DPH6: variants seen among roughly 807,000 people sequenced by gnomAD.
The protein encoded by DPH6 is diphthine--ammonia ligase.
A neutral mutation model predicts 38.2 loss-of-function variants in DPH6; 33 were observed. The ratio of observed to expected loss-of-function variants is 0.86; its 90% confidence interval spans 0.65 to 1.15. The LOEUF (loss-of-function observed/expected upper bound fraction) is 1.15, where lower values mean the gene tolerates loss of function less well. DPH6 is among the 50% of genes most tolerant of loss of function. The pLI is 0.00. For synonymous variants in DPH6, 108 were observed against 103.0 expected (o/e 1.05, Z -0.30); for missense variants, 325 against 320.0 (o/e 1.02, Z -0.12).
At chr15:35,431,044 T>C (rs1025906749) in intron 5 of DPH6, among the ~76,000 whole-genome samples, 1 of 152,086 alleles carries the variant, frequency 6.6e-6, no homozygotes, top group African/African-American at 2.4e-5. Flanking sequence ...CCATCTGTTG[T>C]GTGAAAAACT....
At chr15:35,228,854 C>A (rs1048834817) in intron 3 of DPH6, among the ~76,000 whole-genome samples, 1 of 152,114 alleles carries the variant, frequency 6.6e-6, no homozygotes, top group African/African-American at 2.4e-5. Context: ...AAGTTTTTAG[C>A]ACTTTAAATA....
intron 5 of DPH6, among the ~76,000 whole-genome samples, chr15:35,416,000 G>C (rs1281742038): frequency 6.6e-6 from 1 of 151,986 alleles, no homozygotes; most frequent in Non-Finnish European, 1.5e-5. Flanking sequence ...AGTTTAGTGA[G>C]GGTGTATATG....
At chr15:35,186,037 A>G in the DPH6 span, among the ~76,000 whole-genome samples, 1 of 152,012 alleles carries the variant, frequency 6.6e-6, no homozygotes, top group Non-Finnish European at 1.5e-5. Context: ...CCCGGCCCCC[A>G]GTCCACTCAT....
At position 35,357,424 on chromosome 15, in the gene DPH6, C is replaced by T. The variant is rs375180445; in HGVS notation, n.207+16097G>A. Among the ~76,000 whole-genome samples the T allele has an allele frequency of 1.7e-3, 266 of 152,230 alleles. 10 individuals are homozygous for T. The South Asian group carries it at 0.053, about 30-fold the overall frequency. ...TATTCCTATTTGGCCATCTTGGCTC[C>T]CTCTGTGTATTTTATTTTTGTTTTT... On this transcript the variant is annotated intron_variant and non_coding_transcript_variant, in intron 3 of 3. Coordinates refer to the DPH6 transcript ENST00000558973.
At chr15:35,474,862 C>T (rs1227987430) in intron 3 of DPH6, among the ~76,000 whole-genome samples, 4 of 151,726 alleles carry the variant, frequency 2.6e-5, no homozygotes, top group Non-Finnish European at 4.4e-5. Context: ...TACCGTACCT[C>T]GTGCTACCTG....
chr15:35,508,376 C>T (rs773744373), intron 3 of DPH6, among the ~76,000 whole-genome samples: 7 of 152,040 alleles, frequency 4.6e-5, no homozygotes, highest in African/African-American at 9.7e-5. Context: ...GTTGCTCTAA[C>T]GATTTTCTTA....
chr15:35,395,535 A>G (rs1006654632), intron 6 of DPH6, among the ~76,000 whole-genome samples: 6 of 152,150 alleles, frequency 3.9e-5, no homozygotes, highest in African/African-American at 1.4e-4. Context: ...TCTTAGTTTC[A>G]TTTAGACCAA....
At chr15:35,247,196 G>C (rs1192353089) in intron 3 of DPH6, among the ~76,000 whole-genome samples, 1 of 152,110 alleles carries the variant, frequency 6.6e-6, no homozygotes, top group African/African-American at 2.4e-5. Context: ...GACTTTTATA[G>C]CATCTTTCTT....
rs189597296 is a variant in DPH6 at position 35,422,147 on chromosome 15, G to C, written c.506-11251C>G. On this transcript the variant is annotated intron_variant, in intron 5 of 8. Transcript: ENST00000256538. ...TATATATATAAACCAAATAGATGAA[G>C]GTTTGGGAAGGACAATAAAGGGTGA... Among the ~76,000 whole-genome samples, 256 of 151,804 alleles carry C rather than the reference G, an allele frequency of 1.7e-3. 1 individual carries two copies. The highest frequency in any genetic ancestry group is 4.3e-3 in the East Asian group (22 of 5,160).
At chr15:35,530,478 AG>A (rs1665704151) in intron 3 of DPH6, among the ~76,000 whole-genome samples, 1 of 152,236 alleles carries the variant, frequency 6.6e-6, no homozygotes, top group Admixed American at 6.5e-5. Flanking sequence ...TGTAGAAGAA[AG>A]GAATATAGGA....
chr15:35,367,859 A>C (rs569312720), downstream of DPH6, among the ~76,000 whole-genome samples: 3 of 151,990 alleles, frequency 2.0e-5, no homozygotes, highest in South Asian at 6.2e-4. Flanking sequence ...CTAACAAGAT[A>C]AATGGAAAAA....
chr15:35,339,979 G>T (rs1443654122), intron 3 of DPH6, among the ~76,000 whole-genome samples: 1 of 152,098 alleles, frequency 6.6e-6, no homozygotes, highest in Non-Finnish European at 1.5e-5. Flanking sequence ...TGTCAGTGGG[G>T]TGTTAAAGTC....
At chr15:35,323,134 A>T (rs1188557657) in intron 3 of DPH6, among the ~76,000 whole-genome samples, 1 of 152,186 alleles carries the variant, frequency 6.6e-6, no homozygotes, top group East Asian at 1.9e-4. Flanking sequence ...AATCTTATAT[A>T]GTGGAGACAT....
the DPH6 span, among the ~76,000 whole-genome samples, chr15:35,184,619 A>G: frequency 6.6e-6 from 1 of 152,170 alleles, no homozygotes; most frequent in Non-Finnish European, 1.5e-5. Context: ...CCATTGTAAA[A>G]AGAGGAAAAC....
the DPH6 span, among the ~76,000 whole-genome samples, chr15:35,204,916 T>A: frequency 6.6e-6 from 1 of 151,858 alleles, no homozygotes; most frequent in Non-Finnish European, 1.5e-5. Context: ...TCTCAATGTA[T>A]AAGTGAATAC....
intron 3 of DPH6, among the ~76,000 whole-genome samples, chr15:35,303,448 AG>A (rs1272736155): frequency 6.6e-6 from 1 of 151,958 alleles, no homozygotes; most frequent in Admixed American, 6.6e-5. Context: ...CTGCCTTGTT[AG>A]TAATTAGGAA....
At chr15:35,507,849 CAT>C (rs900029514) in intron 3 of DPH6, among the ~76,000 whole-genome samples, 6 of 151,930 alleles carry the variant, frequency 3.9e-5, no homozygotes, top group African/African-American at 1.4e-4. Flanking sequence ...AAATTATATA[CAT>C]ATATATTCAT....
intron 3 of DPH6, among the ~76,000 whole-genome samples, chr15:35,315,973 T>C (rs146170837): frequency 1.3e-5 from 2 of 152,252 alleles, no homozygotes; most frequent in Non-Finnish European, 2.9e-5. Flanking sequence ...ATACTCAATG[T>C]AGGAACTAAA....
intron 5 of DPH6, among the ~76,000 whole-genome samples, chr15:35,423,508 T>G (rs1367680914): frequency 6.6e-6 from 1 of 151,724 alleles, no homozygotes; most frequent in Non-Finnish European, 1.5e-5. Flanking sequence ...CTTTTCACTC[T>G]GCTCTTTCCT....
Sources: gnomAD v4.1 joint callset for allele counts (sites outside exome capture counted in the v4.1 genomes callset) on GRCh38, gnomAD v4.1.1 for gene constraint, MANE v1.5 for transcripts, NCBI Gene and HGNC (gene_info 2026-07-23, HGNC 2026-07-21) for gene names.